Variants in ATXN8OS observed in about 807,000 individuals in gnomAD.
ATXN8OS encodes the protein ATXN8 opposite strand (non-protein coding).
chr13:70,137,299 A>C (rs1207321337), intron 3 of ATXN8OS, among the ~76,000 whole-genome samples: 1 of 152,194 alleles, frequency 6.6e-6, no homozygotes, highest in African/African-American at 2.4e-5. Context: ...TCCAGGGTCA[A>C]AGTGTCATAT....
intron 4 of ATXN8OS, among the ~76,000 whole-genome samples, chr13:70,165,302 T>A (rs1889065035): frequency 6.6e-6 from 1 of 151,726 alleles, no homozygotes; most frequent in African/African-American, 2.4e-5. Flanking sequence ...TATGTTAGAC[T>A]AGGAGAAGAA....
At chr13:70,139,110 C>G (rs1438651382) in intron 3 of ATXN8OS, 3 of 402,806 alleles carry the variant, frequency 7.4e-6, no homozygotes, top group Non-Finnish European at 1.3e-5. Flanking sequence ...GTAAATAATA[C>G]CTTTAGGTTT....
chr13:70,130,058 A>G (rs1888508328), intron 3 of ATXN8OS, among the ~76,000 whole-genome samples: 1 of 151,946 alleles, frequency 6.6e-6, no homozygotes, highest in African/African-American at 2.4e-5. Flanking sequence ...AGTTAAGTGC[A>G]TGGACCATGG....
intron 3 of ATXN8OS, among the ~76,000 whole-genome samples, chr13:70,131,717 CCTCT>C (rs1055515564): frequency 9.0e-4 from 137 of 152,216 alleles, no homozygotes; most frequent in African/African-American, 3.2e-3. Flanking sequence ...TTCATACCTC[CCTCT>C]GTCTTTCCTT....
At chr13:70,108,339 A>G (rs951177014) in intron 1 of ATXN8OS, 1 of 284,738 alleles carries the variant, frequency 3.5e-6, no homozygotes, top group African/African-American at 2.2e-5. Flanking sequence ...CTGCAATGCC[A>G]GAAGAGGTGG....
intron 4 of ATXN8OS, among the ~76,000 whole-genome samples, chr13:70,160,008 C>T (rs1401106430): frequency 6.6e-6 from 1 of 152,132 alleles, no homozygotes; most frequent in East Asian, 1.9e-4. Context: ...CAGATTATTG[C>T]ATGAACATAA....
At chr13:70,157,334 AT>A (rs560272222) in intron 4 of ATXN8OS, among the ~76,000 whole-genome samples, 1 of 151,906 alleles carries the variant, frequency 6.6e-6, no homozygotes, top group Non-Finnish European at 1.5e-5. Context: ...AAAGAACATA[AT>A]TTTTTTTCAT....
chr13:70,161,959 C>T (rs568847209), intron 4 of ATXN8OS, among the ~76,000 whole-genome samples: 2 of 151,948 alleles, frequency 1.3e-5, no homozygotes, highest in African/African-American at 4.8e-5. Flanking sequence ...ATACATTCAA[C>T]TTACTTTTTC....
intron 3 of ATXN8OS, among the ~76,000 whole-genome samples, chr13:70,144,470 C>G (rs1005195300): frequency 6.6e-6 from 1 of 151,780 alleles, no homozygotes; most frequent in East Asian, 1.9e-4. Flanking sequence ...ATTTTTATAC[C>G]CAATAACCTG....
At chr13:70,119,960 T>A (rs1017970279) in intron 2 of ATXN8OS, among the ~76,000 whole-genome samples, 1 of 152,142 alleles carries the variant, frequency 6.6e-6, no homozygotes, top group Non-Finnish European at 1.5e-5. Flanking sequence ...CCCAAGCATT[T>A]TGGAATATGT....
intron 4 of ATXN8OS, among the ~76,000 whole-genome samples, chr13:70,152,409 G>A (rs1427525195): frequency 6.6e-6 from 1 of 151,440 alleles, no homozygotes; most frequent in Non-Finnish European, 1.5e-5. Context: ...ATACATACAA[G>A]TATACATATA....
chr13:70,116,823 A>T lies in ATXN8OS; in HGVS notation n.398+1525A>T, dbSNP rs114622960. Among the ~76,000 whole-genome samples the T allele has an allele frequency of 6.8e-3, 1,035 of 152,228 alleles. 11 individuals are homozygous for T. The highest frequency in any genetic ancestry group is 0.024 in the African/African-American group (988 of 41,552). On this transcript the variant is annotated intron_variant and non_coding_transcript_variant, in intron 2 of 4. Coordinates refer to ENST00000678624, the Ensembl canonical transcript of ATXN8OS. Reference sequence around the variant, plus strand: ...TAAATGTGGACCAGACATTGTTGCCAGGTCTGGCATTCATAGGGAATCGAT... The same window carrying T: ...TAAATGTGGACCAGACATTGTTGCCTGGTCTGGCATTCATAGGGAATCGAT...
intron 3 of ATXN8OS, chr13:70,139,300 T>G: frequency 1.8e-6 from 1 of 542,954 alleles, no homozygotes; most frequent in Non-Finnish European, 3.2e-6. Flanking sequence ...TGAAGCCCTA[T>G]TCCCAATTCC....
At chr13:70,110,522 GAAGA>G (rs757813626) in intron 1 of ATXN8OS, among the ~76,000 whole-genome samples, 2 of 151,588 alleles carry the variant, frequency 1.3e-5, no homozygotes, top group African/African-American at 4.8e-5. Context: ...AAAAAAAATG[GAAGA>G]AAGAGAGGAA....
intron 2 of ATXN8OS, among the ~76,000 whole-genome samples, chr13:70,126,753 T>G (rs1046822490): frequency 3.3e-5 from 5 of 151,742 alleles, no homozygotes; most frequent in African/African-American, 1.2e-4. Flanking sequence ...TAAATAGACA[T>G]AAATGGATAT....
At chr13:70,148,427 G>C (rs1313764713) in intron 4 of ATXN8OS, among the ~76,000 whole-genome samples, 1 of 151,900 alleles carries the variant, frequency 6.6e-6, no homozygotes, top group Non-Finnish European at 1.5e-5. Flanking sequence ...TGTTAATATT[G>C]TTCAGTTTTG....
intron 4 of ATXN8OS, among the ~76,000 whole-genome samples, chr13:70,152,824 T>G (rs1888887970): frequency 6.6e-6 from 1 of 152,150 alleles, no homozygotes; most frequent in Admixed American, 6.5e-5. Flanking sequence ...ATTTACTCAT[T>G]TATTTTTCCC....
chr13:70,140,535 A>ACACAC (rs1566607725), intron 3 of ATXN8OS, among the ~76,000 whole-genome samples: 3 of 113,716 alleles, frequency 2.6e-5, no homozygotes, highest in African/African-American at 1.0e-4. Flanking sequence ...CACACACACA[A>ACACAC]AAAAAAAAAA....
chr13:70,158,917 A>G (rs766658482), intron 4 of ATXN8OS, among the ~76,000 whole-genome samples: 1 of 152,210 alleles, frequency 6.6e-6, no homozygotes, highest in Non-Finnish European at 1.5e-5. Context: ...ACTGCTCTTA[A>G]GAGCCGAAGC....
Sources: allele counts gnomAD v4.1 joint callset (sites outside exome capture counted in the v4.1 genomes callset), GRCh38; gene constraint gnomAD v4.1.1; transcripts MANE v1.5; gene names NCBI Gene and HGNC (gene_info 2026-07-23, HGNC 2026-07-21).